CHST11: variants seen among roughly 807,000 people sequenced by gnomAD.
CHST11 encodes the protein carbohydrate sulfotransferase 11, also known as C4S-1.
A neutral mutation model predicts 30.4 loss-of-function variants in CHST11; 9 were observed. That is an observed-to-expected ratio of 0.30 (90% confidence interval 0.18 to 0.52). CHST11 has a LOEUF of 0.52. Ranked by LOEUF, CHST11 falls within the 20% of genes least tolerant of loss-of-function variation. CHST11 has a pLI of 0.97. For synonymous variants in CHST11, 152 were observed against 187.8 expected (o/e 0.81, Z 1.56); for missense variants, 348 against 460.6 (o/e 0.76, Z 2.24).
At chr12:104,750,189 G>A (rs778038035) in intron 2 of CHST11, among the ~76,000 whole-genome samples, 12 of 151,704 alleles carry the variant, frequency 7.9e-5, no homozygotes, top group South Asian at 2.1e-4. Flanking sequence ...AGATTCCAGC[G>A]TGCCGAGTTT....
intron 1 of CHST11, among the ~76,000 whole-genome samples, chr12:104,534,800 A>G (rs535019444): frequency 8.1e-4 from 123 of 152,278 alleles, no homozygotes; most frequent in African/African-American, 2.6e-3. Context: ...GATTATTTTC[A>G]TTTGCATACT....
chr12:104,486,702 T>C (rs922901721), intron 1 of CHST11, among the ~76,000 whole-genome samples: 5 of 152,120 alleles, frequency 3.3e-5, no homozygotes, highest in African/African-American at 1.2e-4. Context: ...ACAAACCGAA[T>C]CATAGAATCA....
At chr12:104,548,215 G>C (rs1402663527) in intron 1 of CHST11, among the ~76,000 whole-genome samples, 1 of 152,252 alleles carries the variant, frequency 6.6e-6, no homozygotes. Context: ...GTGGTGCTTA[G>C]TGGTTTATGA....
In CHST11 at chr12:104,680,039, C is replaced by G. The variant is rs73388197; in HGVS notation, c.205-76910C>G. Among the ~76,000 whole-genome samples the G allele has an allele frequency of 7.1e-3, 1,088 of 152,332 alleles. 13 individuals carry two copies. Among genetic ancestry groups the G allele is most frequent in the African/African-American group, 0.025 (1,044 of 41,580 alleles). ...GCTTTCTTTAGAGTGACTTGAACCT[C>G]TGAGCATTCATCGACTCACCAAGCA... On this transcript the variant is annotated intron_variant, in intron 2 of 2. Coordinates refer to ENST00000303694, the MANE Select transcript of CHST11 (RefSeq NM_018413.6).
intron 1 of CHST11, among the ~76,000 whole-genome samples, chr12:104,551,824 A>G (rs1453385480): frequency 6.6e-6 from 1 of 152,064 alleles, no homozygotes; most frequent in Non-Finnish European, 1.5e-5. Flanking sequence ...GGTGTGGGGC[A>G]GCTGTGGGGT....
chr12:104,684,633 TGCCTCCCA>T (rs1029315727), intron 2 of CHST11, among the ~76,000 whole-genome samples: 4 of 152,208 alleles, frequency 2.6e-5, no homozygotes, highest in African/African-American at 9.7e-5. Flanking sequence ...CTGCAACCTC[TGCCTCCCA>T]GGTTCAAGTG....
chr12:104,468,093 T>C (rs1185878228), intron 1 of CHST11, among the ~76,000 whole-genome samples: 1 of 150,676 alleles, frequency 6.6e-6, no homozygotes, highest in Non-Finnish European at 1.5e-5. Context: ...TATTAAATTA[T>C]AGAGTATGTT....
chr12:104,476,023 TTATAA>T (rs1289753178), intron 1 of CHST11, among the ~76,000 whole-genome samples: 1 of 141,660 alleles, frequency 7.1e-6, no homozygotes. Flanking sequence ...AATAAATATA[TTATAA>T]TATATACATA....
chr12:104,589,014 A>G (rs1704895), intron 1 of CHST11: 131,579 of 152,198 alleles, frequency 0.86, 57,114 homozygotes, highest in East Asian at 1. Flanking sequence ...ATCCTACAGC[A>G]TGGATGGACT....
At chr12:104,616,423 A>G (rs1271157208) in intron 2 of CHST11, among the ~76,000 whole-genome samples, 4 of 152,020 alleles carry the variant, frequency 2.6e-5, no homozygotes, top group African/African-American at 9.7e-5. Flanking sequence ...GCTTATTAGA[A>G]TTACAGAATT....
intron 1 of CHST11, among the ~76,000 whole-genome samples, chr12:104,499,848 C>T (rs566489724): frequency 2.0e-5 from 3 of 152,298 alleles, no homozygotes; most frequent in East Asian, 1.9e-4. Context: ...GGACTGCCCC[C>T]ACAGGTTCTG....
chr12:104,544,888 C>T (rs558370133), intron 1 of CHST11, among the ~76,000 whole-genome samples: 85 of 151,134 alleles, frequency 5.6e-4, no homozygotes, highest in Middle Eastern at 3.4e-3. Flanking sequence ...TGGATGTTGG[C>T]CTTGCCACAG....
chr12:104,728,820 T>A (rs1592862225), intron 2 of CHST11, among the ~76,000 whole-genome samples: 1 of 152,076 alleles, frequency 6.6e-6, no homozygotes, highest in Admixed American at 6.5e-5. Context: ...AAGAAGCCAC[T>A]GAGAAAGGCA....
At chr12:104,558,249 C>T (rs1480770787) in intron 1 of CHST11, among the ~76,000 whole-genome samples, 1 of 152,154 alleles carries the variant, frequency 6.6e-6, no homozygotes, top group Non-Finnish European at 1.5e-5. Flanking sequence ...TCGAAGCCTT[C>T]GCACCTGTCT....
intron 2 of CHST11, among the ~76,000 whole-genome samples, chr12:104,635,054 A>G: frequency 6.6e-6 from 1 of 151,806 alleles, no homozygotes; most frequent in East Asian, 1.9e-4. Flanking sequence ...GTGCAGAGTC[A>G]GCAGTCCTGT....
Position 104,748,896 on chromosome 12 carries a change from G to A in CHST11, c.205-8053G>A, listed in dbSNP as rs369063841. Among the ~76,000 whole-genome samples the A allele has an allele frequency of 6.6e-5, 10 of 152,272 alleles. No individual in the cohort carries two copies. In the East Asian group the frequency reaches 1.5e-3, roughly 23 times the overall value. ...TCTCACAAGCCCTCCAGGTAATAAC[G>A]TTCATGTAGGCTCAAGTTTGAGAAC... On this transcript the variant is annotated intron_variant, in intron 2 of 2. Coordinates refer to ENST00000303694, the MANE Select transcript of CHST11 (RefSeq NM_018413.6).
chr12:104,720,478 GA>G (rs1259562971), intron 2 of CHST11, among the ~76,000 whole-genome samples: 2 of 152,210 alleles, frequency 1.3e-5, no homozygotes, highest in African/African-American at 4.8e-5. Flanking sequence ...AGGAAGACAG[GA>G]CCTAGGGCTG....
At chr12:104,670,972 T>C (rs1313862369) in intron 2 of CHST11, among the ~76,000 whole-genome samples, 1 of 152,326 alleles carries the variant, frequency 6.6e-6, no homozygotes, top group East Asian at 1.9e-4. Flanking sequence ...TTTCAGTTTC[T>C]TTGATTTCCC....
chr12:104,724,378 G>T (rs986321416), intron 2 of CHST11, among the ~76,000 whole-genome samples: 2 of 152,122 alleles, frequency 1.3e-5, no homozygotes, highest in African/African-American at 4.8e-5. Flanking sequence ...TGGAGATCGG[G>T]GGTTGGTGAT....
Sources: allele counts gnomAD v4.1 joint callset (sites outside exome capture counted in the v4.1 genomes callset), GRCh38; gene constraint gnomAD v4.1.1; transcripts MANE v1.5; gene names NCBI Gene and HGNC (gene_info 2026-07-23, HGNC 2026-07-21).